The following CDK6 variants were observed in gnomAD, a reference collection of about 807,000 sequenced individuals.
CDK6 encodes cyclin-dependent kinase 6.
A neutral mutation model predicts 37.1 loss-of-function variants in CDK6; 6 were observed. The observed-to-expected ratio is 0.16, with a 90% CI of 0.09 to 0.32. CDK6 has a LOEUF of 0.32. Among genes scored for constraint, CDK6 ranks in the 10% least tolerant of loss-of-function variants. The pLI, the probability that CDK6 is intolerant of heterozygous loss-of-function variation, is 1.00. For synonymous variants in CDK6, 160 were observed against 161.3 expected (o/e 0.99, Z 0.06); for missense variants, 224 against 418.9 (o/e 0.53, Z 4.06).
At chr7:92,764,876 AC>A (rs977261657) in intron 3 of CDK6, among the ~76,000 whole-genome samples, 1 of 152,218 alleles carries the variant, frequency 6.6e-6, no homozygotes, top group Non-Finnish European at 1.5e-5. Context: ...ATGGATACCT[AC>A]TTTGTATGCC....
chr7:92,820,848 A>T (rs1432028770), intron 2 of CDK6, among the ~76,000 whole-genome samples: 1 of 152,124 alleles, frequency 6.6e-6, no homozygotes, highest in Non-Finnish European at 1.5e-5. Context: ...AGTGAAAAGA[A>T]GCTGTATCTG....
chr7:92,711,372 T>C (rs771303810), intron 4 of CDK6, among the ~76,000 whole-genome samples: 1 of 152,064 alleles, frequency 6.6e-6, no homozygotes, highest in African/African-American at 2.4e-5. Flanking sequence ...AAAACCTGTA[T>C]GTATACTATT....
At position 92,706,458 on chromosome 7, in the gene CDK6, G is replaced by A. The variant is rs1014553179; in HGVS notation, c.537+19168C>T. Among the ~76,000 whole-genome samples the A allele has an allele frequency of 2.6e-4, 40 of 151,994 alleles. 1 individual carries two copies. Among genetic ancestry groups the A allele is most frequent in the Middle Eastern group, 3.2e-3 (1 of 316 alleles). On this transcript the variant is annotated intron_variant, in intron 4 of 7. Coordinates refer to ENST00000424848, the MANE Select transcript of CDK6 (RefSeq NM_001145306.2). Reference sequence around the variant, plus strand: ...AAAGAAATTTACTTTCATAATTAATGAGCTGTTACTTTCCAGTCATCTGCC... The same window carrying A: ...AAAGAAATTTACTTTCATAATTAATAAGCTGTTACTTTCCAGTCATCTGCC...
intron 5 of CDK6, among the ~76,000 whole-genome samples, chr7:92,638,561 T>G (rs946003912): frequency 5.9e-5 from 9 of 152,218 alleles, no homozygotes; most frequent in Admixed American, 6.5e-5. Flanking sequence ...CACCCTGTGT[T>G]GACCCTCCAG....
intron 2 of CDK6, among the ~76,000 whole-genome samples, chr7:92,829,850 T>C (rs931406498): frequency 6.6e-6 from 1 of 152,152 alleles, no homozygotes; most frequent in Admixed American, 6.5e-5. Context: ...CAAAGATGAG[T>C]AAATTTTTAA....
At chr7:92,659,816 T>A (rs954948838) in intron 5 of CDK6, among the ~76,000 whole-genome samples, 1 of 152,186 alleles carries the variant, frequency 6.6e-6, no homozygotes, top group African/African-American at 2.4e-5. Context: ...TATGGCTTTC[T>A]CAAAGAATAT....
intron 4 of CDK6, among the ~76,000 whole-genome samples, chr7:92,682,394 G>C (rs1427013772): frequency 2.0e-5 from 3 of 152,260 alleles, no homozygotes; most frequent in Admixed American, 6.5e-5. Flanking sequence ...GCCTCATGTG[G>C]TCTTCCCATA....
chr7:92,669,586 G>A (rs974564740), intron 5 of CDK6, among the ~76,000 whole-genome samples: 3 of 152,198 alleles, frequency 2.0e-5, no homozygotes, highest in Non-Finnish European at 4.4e-5. Context: ...CGATGAAGTA[G>A]AATGACTGTC....
At chr7:92,737,642 C>T (rs1369879777) in intron 3 of CDK6, among the ~76,000 whole-genome samples, 4 of 152,166 alleles carry the variant, frequency 2.6e-5, no homozygotes, top group African/African-American at 9.7e-5. Flanking sequence ...AAAAACATTA[C>T]AAATGAACTT....
At chr7:92,750,236 C>T (rs1298092614) in intron 3 of CDK6, among the ~76,000 whole-genome samples, 1 of 152,148 alleles carries the variant, frequency 6.6e-6, no homozygotes, top group African/African-American at 2.4e-5. Flanking sequence ...TAGCACAGTA[C>T]TAACTGCATG....
intron 2 of CDK6, among the ~76,000 whole-genome samples, chr7:92,799,575 C>T (rs1187608145): frequency 6.6e-6 from 1 of 151,830 alleles, no homozygotes; most frequent in African/African-American, 2.4e-5. Flanking sequence ...TGCCAGTGAC[C>T]CTGAAGATCT....
chr7:92,705,152 G>C (rs1797938560), intron 4 of CDK6, among the ~76,000 whole-genome samples: 1 of 151,996 alleles, frequency 6.6e-6, no homozygotes, highest in Admixed American at 6.6e-5. Flanking sequence ...CATTCCTTTT[G>C]AGATTATTTT....
chr7:92,740,309 C>T (rs1417663785), intron 3 of CDK6, among the ~76,000 whole-genome samples: 2 of 152,154 alleles, frequency 1.3e-5, no homozygotes, highest in South Asian at 2.1e-4. Context: ...TCCTATCCCC[C>T]GATATACACA....
At chr7:92,782,229 T>C (rs1477943910) in intron 2 of CDK6, among the ~76,000 whole-genome samples, 1 of 152,248 alleles carries the variant, frequency 6.6e-6, no homozygotes, top group East Asian at 1.9e-4. Flanking sequence ...TATGGCTATG[T>C]ATTAGTACCA....
At position 92,635,080 on chromosome 7, in the gene CDK6, A is replaced by G. The variant is rs563436429; in HGVS notation, c.648-11994T>C. Among the ~76,000 whole-genome samples, 33 of 152,312 alleles carry G rather than the reference A, an allele frequency of 2.2e-4. No individual in the cohort carries two copies. In the Middle Eastern group the frequency reaches 0.014, roughly 63 times the overall value. On this transcript the variant is annotated intron_variant, in intron 5 of 7. Transcript: ENST00000424848. Reference sequence around the variant, plus strand: ...CAGTAAGTGCTCAGAGGGATGACTCATTGCATTGGATCATCTTTGGGAAAC... The same window carrying G: ...CAGTAAGTGCTCAGAGGGATGACTCGTTGCATTGGATCATCTTTGGGAAAC...
chr7:92,777,806 T>C (rs1454263073), intron 2 of CDK6, among the ~76,000 whole-genome samples: 1 of 152,208 alleles, frequency 6.6e-6, no homozygotes, highest in Non-Finnish European at 1.5e-5. Flanking sequence ...GCATTGAATA[T>C]ATAAATTACT....
intron 5 of CDK6, among the ~76,000 whole-genome samples, chr7:92,623,663 T>A (rs2116496292): frequency 6.6e-6 from 1 of 152,290 alleles, no homozygotes; most frequent in Non-Finnish European, 1.5e-5. Flanking sequence ...GGCAATTGTG[T>A]CTGCTTCAAA....
intron 5 of CDK6, among the ~76,000 whole-genome samples, chr7:92,638,412 A>T (rs1468207441): frequency 6.6e-6 from 1 of 152,156 alleles, no homozygotes; most frequent in Non-Finnish European, 1.5e-5. Context: ...CACTCATTTG[A>T]GGCTGAACTT....
rs182871021 is a variant in CDK6, at chr7:92,624,276, C to T, written c.648-1190G>A. Among the ~76,000 whole-genome samples the T allele has an allele frequency of 3.7e-3, 562 of 152,220 alleles. 1 individual carries two copies. The highest frequency in any genetic ancestry group is 5.1e-3 in the Non-Finnish European group (349 of 68,008). ...TGTTGAAGCCCAACTCCCAAGATCT[C>T]CGAATTTAACTGTATTTGGAGATAG... On this transcript the variant is annotated intron_variant, in intron 5 of 7. Coordinates refer to ENST00000424848, the MANE Select transcript of CDK6 (RefSeq NM_001145306.2).
Sources: allele counts gnomAD v4.1 joint callset (sites outside exome capture counted in the v4.1 genomes callset), GRCh38; gene constraint gnomAD v4.1.1; transcripts MANE v1.5; gene names NCBI Gene and HGNC (gene_info 2026-07-23, HGNC 2026-07-21).